NRG1: variants seen among roughly 807,000 people sequenced by gnomAD.
NRG1 encodes neuregulin 1, also known as pro-neuregulin-1, membrane-bound isoform.
Under a neutral mutation model 63.8 loss-of-function variants are expected in NRG1, and 18 were observed. That is an observed-to-expected ratio of 0.28 (90% CI 0.19 to 0.42). NRG1 has a LOEUF of 0.42. NRG1 is among the 10% of genes least tolerant of loss of function. The probability of loss-of-function intolerance (pLI) is 1.00; values close to 1 mark genes in which losing one functional copy is unlikely to be tolerated. For missense variants in NRG1, 762 were observed against 814.7 expected (o/e 0.94, Z 0.79); for synonymous variants, 302 against 301.3 (o/e 1.00, Z -0.02).
At chr8:32,084,058 A>G (rs1025507777) in intron 1 of NRG1, among the ~76,000 whole-genome samples, 1 of 152,204 alleles carries the variant, frequency 6.6e-6, no homozygotes, top group African/African-American at 2.4e-5. Flanking sequence ...CATAGATAGT[A>G]CTAGAAAGAA....
At chr8:32,006,594 G>C (rs902346111) in intron 1 of NRG1, among the ~76,000 whole-genome samples, 1 of 151,978 alleles carries the variant, frequency 6.6e-6, no homozygotes, top group African/African-American at 2.4e-5. Context: ...GTGTATAAAG[G>C]ACTTGAGCTG....
intron 1 of NRG1, among the ~76,000 whole-genome samples, chr8:31,912,739 C>A (rs1292441540): frequency 1.3e-5 from 2 of 152,044 alleles, no homozygotes; most frequent in Non-Finnish European, 2.9e-5. Flanking sequence ...CTTAATTCCC[C>A]CTCCAGAGGG....
intron 1 of NRG1, among the ~76,000 whole-genome samples, chr8:31,686,414 G>A (rs1808897967): frequency 6.6e-6 from 1 of 152,052 alleles, no homozygotes. Flanking sequence ...TGAAATTCAT[G>A]ATTTTTGTGT....
chr8:32,424,843 G>A (rs892086790), intron 1 of NRG1, among the ~76,000 whole-genome samples: 2 of 152,076 alleles, frequency 1.3e-5, no homozygotes, highest in Non-Finnish European at 2.9e-5. Context: ...CTGGGTGAGA[G>A]TGAGATCCTC....
chr8:31,814,045 C>A (rs963524854), intron 1 of NRG1, among the ~76,000 whole-genome samples: 4 of 152,132 alleles, frequency 2.6e-5, no homozygotes, highest in South Asian at 2.1e-4. Context: ...GTGTTTTCAG[C>A]ACCTGATCTT....
chr8:32,142,317 A>G (rs185710187), intron 1 of NRG1, among the ~76,000 whole-genome samples: 1 of 152,150 alleles, frequency 6.6e-6, no homozygotes, highest in African/African-American at 2.4e-5. Context: ...GATTGCAGAG[A>G]TAGTTGACTG....
At chr8:32,274,062 GA>G (rs1179745685) in intron 1 of NRG1, among the ~76,000 whole-genome samples, 3 of 151,952 alleles carry the variant, frequency 2.0e-5, no homozygotes, top group African/African-American at 7.3e-5. Context: ...ATGGCTGGTG[GA>G]AAAAAAGAAG....
Position 32,463,874 on chromosome 8 carries a change from C to CTTTTTTTTTTTT in NRG1, c.38-131926_38-131915dup, listed in dbSNP as rs756489856. 2.8e-3 allele frequency among the ~76,000 whole-genome samples: 118 copies of CTTTTTTTTTTTT among 42,344 alleles called. 21 individuals are homozygous for CTTTTTTTTTTTT. The highest frequency in any genetic ancestry group is 3.7e-3 in the Admixed American group (14 of 3,772). The allele number at this position is 42,344 out of a possible 152,430, so 27.8% of individuals were successfully genotyped here. ...ACACACACGAAAAAAACTTAGAATT[C>CTTTTTTTTTTTT]TTTTTTTTTTTTTTTTTTTTTTTTT... On this transcript the variant is annotated intron_variant, in intron 1 of 10. Coordinates refer to the NRG1 transcript ENST00000519301.
intron 1 of NRG1, among the ~76,000 whole-genome samples, chr8:31,679,708 T>C (rs1808116508): frequency 6.6e-6 from 1 of 152,102 alleles, no homozygotes; most frequent in Non-Finnish European, 1.5e-5. Context: ...TAGGAAATTC[T>C]AGCTAAAACA....
chr8:32,365,499 G>T (rs969689559), intron 1 of NRG1, among the ~76,000 whole-genome samples: 2 of 151,554 alleles, frequency 1.3e-5, no homozygotes, highest in Non-Finnish European at 2.9e-5. Context: ...TACTTTTATG[G>T]GTTCTTTTTT....
At chr8:31,971,430 G>T (rs1277918198) in intron 1 of NRG1, among the ~76,000 whole-genome samples, 1 of 152,048 alleles carries the variant, frequency 6.6e-6, no homozygotes, top group African/African-American at 2.4e-5. Flanking sequence ...TTTACATGGT[G>T]CAAGGTGTAT....
intron 1 of NRG1, among the ~76,000 whole-genome samples, chr8:32,370,477 T>C (rs1808664574): frequency 6.6e-6 from 1 of 152,178 alleles, no homozygotes; most frequent in Non-Finnish European, 1.5e-5. Flanking sequence ...AGCCAATGAC[T>C]GTGTATTACA....
intron 1 of NRG1, among the ~76,000 whole-genome samples, chr8:32,482,853 G>C (rs985812089): frequency 6.6e-6 from 1 of 152,218 alleles, no homozygotes; most frequent in South Asian, 2.1e-4. Flanking sequence ...TGAAGGTCCA[G>C]AGGCACTCCC....
chr8:32,623,861 T>A (rs1848738161), intron 5 of NRG1, among the ~76,000 whole-genome samples: 1 of 152,212 alleles, frequency 6.6e-6, no homozygotes, highest in Admixed American at 6.5e-5. Context: ...GAGGAGAGAA[T>A]CTAAAAAGTT....
At chr8:31,671,702 T>C (rs1407679665) in intron 1 of NRG1, among the ~76,000 whole-genome samples, 1 of 152,120 alleles carries the variant, frequency 6.6e-6, no homozygotes, top group African/African-American at 2.4e-5. Context: ...GGTGGCATCA[T>C]GAAAGGAGCA....
intron 1 of NRG1, among the ~76,000 whole-genome samples, chr8:31,654,055 T>G (rs1001075081): frequency 1.3e-5 from 2 of 152,212 alleles, no homozygotes; most frequent in African/African-American, 4.8e-5. Flanking sequence ...TTAAATGTAT[T>G]GATAAGTAAT....
intron 1 of NRG1, among the ~76,000 whole-genome samples, chr8:32,001,639 T>C (rs1317591852): frequency 6.6e-6 from 1 of 152,054 alleles, no homozygotes; most frequent in Non-Finnish European, 1.5e-5. Flanking sequence ...TTATTCATTA[T>C]GGCTCCTTAG....
At chr8:31,940,836 T>A (rs950549308) in intron 1 of NRG1, among the ~76,000 whole-genome samples, 2 of 152,082 alleles carry the variant, frequency 1.3e-5, no homozygotes, top group Non-Finnish European at 2.9e-5. Context: ...ACAACCCTCC[T>A]AGGTTAAACC....
intron 1 of NRG1, among the ~76,000 whole-genome samples, chr8:32,077,450 T>C (rs1196299765): frequency 6.6e-6 from 1 of 152,212 alleles, no homozygotes; most frequent in Non-Finnish European, 1.5e-5. Context: ...ACCATAAGTA[T>C]TAACAGTGCT....
Sources: allele counts gnomAD v4.1 joint callset (sites outside exome capture counted in the v4.1 genomes callset), GRCh38; gene constraint gnomAD v4.1.1; transcripts MANE v1.5; gene names NCBI Gene and HGNC (gene_info 2026-07-23, HGNC 2026-07-21).